FRMD4B: variants seen among roughly 807,000 people sequenced by gnomAD.
FRMD4B encodes the protein FERM domain containing 4B.
A neutral mutation model predicts 141.5 loss-of-function variants in FRMD4B; 74 were observed. The observed-to-expected ratio is 0.52, with a 90% CI of 0.43 to 0.63. FRMD4B has a LOEUF of 0.63. FRMD4B is among the 30% of genes least tolerant of loss of function. FRMD4B has a pLI of 0.00. For missense variants in FRMD4B, 1,366 were observed against 1,253.4 expected (o/e 1.09, Z -1.36); for synonymous variants, 506 against 467.9 (o/e 1.08, Z -1.05).
At position 69,472,696 on chromosome 3, in the gene FRMD4B, C is replaced by T. The variant is rs370306480; in HGVS notation, c.-128-39935G>A. The stretch of plus-strand genomic sequence containing the variant: ...GTGGACACCAAGGGTGAGGTTGGAG[C>T]GAAAGTTTAATAAGCAAAAGAAGAA... On this transcript the variant is annotated intron_variant, in intron 1 of 5. Coordinates refer to the FRMD4B transcript ENST00000459638. Among the ~76,000 whole-genome samples, 8 of 152,082 alleles carry T rather than the reference C, an allele frequency of 5.3e-5. No homozygotes were observed. The East Asian group carries it at 1.6e-3, about 30-fold the overall frequency.
chr3:69,471,202 T>C (rs1489491457), intron 1 of FRMD4B, among the ~76,000 whole-genome samples: 1 of 152,178 alleles, frequency 6.6e-6, no homozygotes, highest in African/African-American at 2.4e-5. Flanking sequence ...GATAATATCT[T>C]TGTAATCAAA....
chr3:69,467,273 C>T lies in FRMD4B; in HGVS notation c.-128-34512G>A, dbSNP rs191556674. Among the ~76,000 whole-genome samples, 7 of 152,284 alleles carry T rather than the reference C, an allele frequency of 4.6e-5. No individual in the cohort carries two copies. In the East Asian group the frequency reaches 1.4e-3, roughly 29 times the overall value. ...AGGAAGCTAATAAAGCTAGGAAATA[C>T]TTCACCAAGAAGCACTTGTGACTTA... is the stretch of plus-strand genomic sequence containing the variant. On this transcript the variant is annotated intron_variant, in intron 1 of 5. Coordinates refer to the FRMD4B transcript ENST00000459638.
rs74386929 is a variant in FRMD4B at position 69,255,378 on chromosome 3, C to A, written c.502-5279G>T. Among the ~76,000 whole-genome samples the A allele has an allele frequency of 2.7e-3, 412 of 152,108 alleles. 8 individuals are homozygous for A. In the East Asian group the frequency reaches 0.035, roughly 13 times the overall value. On this transcript the variant is annotated intron_variant, in intron 5 of 22. Transcript: ENST00000398540. ...CTCTTCTGTAAGTTTGAAATTGTCT[C>A]ATAATAAAAGTTTGAAGCCGGGTCC...
Position 69,224,688 on chromosome 3 carries a change from T to C in FRMD4B, c.584A>G (p.Asp195Gly), listed in dbSNP as rs765103939. ...LQEAKGDYTS[D>G]ENARKDLKTL... ...CTTTAAATCTTTCCTGGCATTTTCA[T>C]CACTAAAAAGAAATGGAATATGGTA... The change falls in exon 8 of 23, where the codon GAT becomes GGT. Residue 195 changes from aspartate (D) to glycine (G), a missense_variant and splice_region_variant. Physicochemically the swap from Asp to Gly is moderately conservative, Grantham distance 94. Transcript: ENST00000398540. 1.8e-5 allele frequency: 27 copies of C among 1,503,790 alleles called. No homozygotes were observed. The highest frequency in any genetic ancestry group is 8.2e-6 in the Non-Finnish European group (9 of 1,093,210). The allele number at this position is 1,503,790 out of a possible 1,614,324, so 93.2% of individuals were successfully genotyped here.
intron 1 of FRMD4B, among the ~76,000 whole-genome samples, chr3:69,510,560 C>T (rs542874550): frequency 6.6e-6 from 1 of 152,264 alleles, no homozygotes; most frequent in East Asian, 1.9e-4. Flanking sequence ...TTTTCATGCA[C>T]TCTGCAAGGA....
At chr3:69,460,052 T>C (rs778092980) in intron 1 of FRMD4B, among the ~76,000 whole-genome samples, 1 of 152,238 alleles carries the variant, frequency 6.6e-6, no homozygotes, top group Non-Finnish European at 1.5e-5. Flanking sequence ...AACCAAGGAA[T>C]AAATGATTCT....
rs558070584 is a variant in FRMD4B, at chr3:69,409,122, A to T, written c.-1+23512T>A. On this transcript the variant is annotated intron_variant, in intron 2 of 5. Coordinates refer to the FRMD4B transcript ENST00000459638. ...TTTTCAGGAAAGGGAGCCTGTAGTC[A>T]TTCCACTACTCAGTCTCAGCAGAAA... 3.9e-5 allele frequency among the ~76,000 whole-genome samples: 6 copies of T among 152,270 alleles called. No homozygotes were observed. The South Asian group carries it at 1.2e-3, about 32-fold the overall frequency.
At chr3:69,331,693 G>A (rs989841598) in intron 1 of FRMD4B, among the ~76,000 whole-genome samples, 2 of 152,082 alleles carry the variant, frequency 1.3e-5, no homozygotes, top group East Asian at 3.9e-4. Context: ...CCAGGGCTGG[G>A]TGGCTCACAT....
chr3:69,502,057 T>C (rs866383312), intron 1 of FRMD4B, among the ~76,000 whole-genome samples: 6 of 152,102 alleles, frequency 3.9e-5, no homozygotes, highest in Non-Finnish European at 7.4e-5. Context: ...GAAGAACATT[T>C]CATGCTCATG....
At chr3:69,399,174 T>C (rs1704519098) in intron 2 of FRMD4B, among the ~76,000 whole-genome samples, 1 of 152,188 alleles carries the variant, frequency 6.6e-6, no homozygotes, top group Admixed American at 6.5e-5. Flanking sequence ...AAATTGGTTG[T>C]ATCCATTGCC....
intron 1 of FRMD4B, among the ~76,000 whole-genome samples, chr3:69,531,803 A>G (rs1188443025): frequency 6.6e-6 from 1 of 152,190 alleles, no homozygotes; most frequent in African/African-American, 2.4e-5. Flanking sequence ...AATGAGAACC[A>G]CTCATTATCT....
At chr3:69,298,728 C>T (rs1451995763) in intron 4 of FRMD4B, among the ~76,000 whole-genome samples, 1 of 152,184 alleles carries the variant, frequency 6.6e-6, no homozygotes, top group African/African-American at 2.4e-5. Context: ...TCCTGCATGC[C>T]TTTGCTCAAT....
At chr3:69,317,878 C>A (rs73103625) in intron 1 of FRMD4B, among the ~76,000 whole-genome samples, 3 of 151,844 alleles carry the variant, frequency 2.0e-5, no homozygotes, top group Admixed American at 1.3e-4. Flanking sequence ...TTTCACTGAT[C>A]CGGGTGAATT....
At chr3:69,455,803 T>C (rs190404452) in intron 1 of FRMD4B, among the ~76,000 whole-genome samples, 11 of 152,296 alleles carry the variant, frequency 7.2e-5, no homozygotes, top group Admixed American at 5.2e-4. Flanking sequence ...GTTAATAAAT[T>C]TTTAAACATT....
At chr3:69,431,913 TG>T (rs1275321484) in intron 2 of FRMD4B, among the ~76,000 whole-genome samples, 1 of 152,266 alleles carries the variant, frequency 6.6e-6, no homozygotes, top group African/African-American at 2.4e-5. Flanking sequence ...AAACCGTTTT[TG>T]CCTGTCAGAT....
chr3:69,513,424 A>G (rs1437019258), intron 1 of FRMD4B, among the ~76,000 whole-genome samples: 1 of 152,214 alleles, frequency 6.6e-6, no homozygotes, highest in Non-Finnish European at 1.5e-5. Flanking sequence ...ACCTCCCAAC[A>G]AAGAAAAGCC....
At chr3:69,172,322 A>G (rs563839404) in intron 22 of FRMD4B, among the ~76,000 whole-genome samples, 2 of 152,282 alleles carry the variant, frequency 1.3e-5, no homozygotes, top group South Asian at 4.1e-4. Flanking sequence ...AAAAAAGATT[A>G]TGGTTACAGT....
At chr3:69,426,094 TA>T (rs1409193026) in intron 2 of FRMD4B, among the ~76,000 whole-genome samples, 1 of 152,254 alleles carries the variant, frequency 6.6e-6, no homozygotes, top group Non-Finnish European at 1.5e-5. Context: ...AAGCAAGTGC[TA>T]ATTTTAAAAC....
chr3:69,433,199 T>C (rs752313715), intron 1 of FRMD4B: 3 of 152,220 alleles, frequency 2.0e-5, no homozygotes, highest in Admixed American at 6.5e-5. Context: ...AATCTTTTTT[T>C]AACAGATGTC....
Sources: allele counts gnomAD v4.1 joint callset (sites outside exome capture counted in the v4.1 genomes callset), GRCh38; gene constraint gnomAD v4.1.1; transcripts MANE v1.5; gene names NCBI Gene and HGNC (gene_info 2026-07-23, HGNC 2026-07-21).